Variants in C1GALT1 observed in about 807,000 individuals in gnomAD.
C1GALT1 encodes the protein core 1 synthase, glycoprotein-N-acetylgalactosamine 3-beta-galactosyltransferase 1, also known as glycoprotein-N-acetylgalactosamine 3-beta-galactosyltransferase 1.
Under a neutral mutation model 31.0 loss-of-function variants are expected in C1GALT1, and 11 were observed. The ratio of observed to expected loss-of-function variants is 0.36; its 90% CI spans 0.22 to 0.59. The LOEUF is 0.59. Among genes scored for constraint, C1GALT1 ranks in the 20% least tolerant of loss-of-function variants. The pLI is 0.79. For synonymous variants in C1GALT1, 175 were observed against 143.6 expected (o/e 1.22, Z -1.56); for missense variants, 424 against 425.2 (o/e 1.00, Z 0.03).
chr7:7,203,601 G>A (rs1425951337), intron 1 of C1GALT1, among the ~76,000 whole-genome samples: 1 of 151,716 alleles, frequency 6.6e-6, no homozygotes, highest in Non-Finnish European at 1.5e-5. Flanking sequence ...CAGTTTGCTA[G>A]TATTTTGTTG....
In C1GALT1 at chr7:7,196,818, T is replaced by C. The variant is rs187912786; in HGVS notation, c.-18+13998T>C. On this transcript the variant is annotated intron_variant, in intron 1 of 3. Transcript: ENST00000436587. ...TTTGCATTTCTCTGATGGCCAGTGA[T>C]GATGAGCATTTTTTCATGTGTTTTT... Among the ~76,000 whole-genome samples, 3 of 152,358 alleles carry C rather than the reference T, an allele frequency of 2.0e-5. No homozygotes were observed. In the East Asian group the frequency reaches 5.8e-4, roughly 29 times the overall value.
In C1GALT1 at chr7:7,197,522, C is replaced by T. The variant is rs557561962; in HGVS notation, c.-18+14702C>T. ...TTGGCTTAGGATTGTCTTGGCAATG[C>T]GGGCTCTTTTTTGGTTCCATATGAA... On this transcript the variant is annotated intron_variant, in intron 1 of 3. Coordinates refer to ENST00000436587, the MANE Select transcript of C1GALT1 (RefSeq NM_020156.5). Among the ~76,000 whole-genome samples, 17 of 152,176 alleles carry T rather than the reference C, an allele frequency of 1.1e-4. 1 individual carries two copies. In the East Asian group the frequency reaches 1.4e-3, roughly 12 times the overall value.
intron 1 of C1GALT1, among the ~76,000 whole-genome samples, chr7:7,230,800 G>C (rs546349659): frequency 1.3e-5 from 2 of 151,296 alleles, no homozygotes; most frequent in Admixed American, 6.6e-5. Flanking sequence ...CTCCTGGACA[G>C]TGAAATGACT....
intron 1 of C1GALT1, among the ~76,000 whole-genome samples, chr7:7,203,583 GC>G (rs968078300): frequency 4.6e-5 from 7 of 151,766 alleles, no homozygotes; most frequent in African/African-American, 1.7e-4. Flanking sequence ...TTAATATGCT[GC>G]TGAATTCAGT....
intron 1 of C1GALT1, among the ~76,000 whole-genome samples, chr7:7,230,725 AG>A (rs2128247156): frequency 6.7e-6 from 1 of 149,932 alleles, no homozygotes; most frequent in East Asian, 1.9e-4. Flanking sequence ...GTTTGTTTAA[AG>A]ATTATATTAG....
intron 2 of C1GALT1, among the ~76,000 whole-genome samples, chr7:7,162,867 C>A (rs866797571): frequency 6.6e-6 from 1 of 151,880 alleles, no homozygotes; most frequent in Non-Finnish European, 1.5e-5. Flanking sequence ...TGATGGCCAG[C>A]GATGGTGAGC....
At chr7:7,218,410 A>G (rs138605410) in intron 1 of C1GALT1, among the ~76,000 whole-genome samples, 23 of 152,322 alleles carry the variant, frequency 1.5e-4, no homozygotes, top group East Asian at 9.6e-4. Flanking sequence ...TGAAGTCTCT[A>G]TGGGGTTGTT....
At chr7:7,207,831 A>T (rs766842739) in intron 1 of C1GALT1, among the ~76,000 whole-genome samples, 2 of 150,830 alleles carry the variant, frequency 1.3e-5, no homozygotes, top group Admixed American at 6.6e-5. Flanking sequence ...GCCAAAGATC[A>T]GTCTGAGATT....
upstream of C1GALT1, among the ~76,000 whole-genome samples, chr7:7,181,913 G>A (rs1780597169): frequency 6.6e-6 from 1 of 152,122 alleles, no homozygotes; most frequent in Non-Finnish European, 1.5e-5. Flanking sequence ...AGAGCCCAGC[G>A]AAAGGGGAGA....
rs908953930 is a variant in C1GALT1, at chr7:7,245,024, ACT to A, written c.*1300_*1301del. On this transcript the variant is annotated 3_prime_UTR_variant, in exon 4 of 4. Transcript: ENST00000436587. ...CAAATGTTTCATTCTATTTTTAGTGACTCTGTTTAAAGAGTTTCTGAAAGGAA... is the reference window on the plus strand; with the variant it reads ...CAAATGTTTCATTCTATTTTTAGTGACTGTTTAAAGAGTTTCTGAAAGGAA... 4.6e-4 allele frequency: 70 copies of A among 152,166 alleles called. 1 individual carries two copies. Among genetic ancestry groups the A allele is most frequent in the African/African-American group, 1.6e-3 (67 of 41,514 alleles). The allele number at this position is 152,166 out of a possible 1,614,324, so 9.4% of individuals were successfully genotyped here.
upstream of C1GALT1, among the ~76,000 whole-genome samples, chr7:7,180,167 A>C (rs1355009012): frequency 6.6e-6 from 1 of 152,216 alleles, no homozygotes; most frequent in Non-Finnish European, 1.5e-5. Context: ...GAGAAACAAC[A>C]ATACTGAGGT....
chr7:7,236,463 T>G (rs967552466), intron 2 of C1GALT1, among the ~76,000 whole-genome samples: 10 of 152,148 alleles, frequency 6.6e-5, no homozygotes, highest in African/African-American at 2.4e-4. Flanking sequence ...TAGGGTGATT[T>G]TGTCTGCTGT....
At position 7,171,023 on chromosome 7, in the gene C1GALT1, C is replaced by T. The variant is rs1306320462; in HGVS notation, c.-18+13597C>T. 2.0e-5 allele frequency among the ~76,000 whole-genome samples: 3 copies of T among 152,090 alleles called. No homozygotes were observed. In the South Asian group the frequency reaches 6.2e-4, roughly 31 times the overall value. Reference sequence around the variant, plus strand: ...TAAAATTTATTCACTTGTTTTGTGGCTTAACATATCATCTATCCTGAAGAA... The same window carrying T: ...TAAAATTTATTCACTTGTTTTGTGGTTTAACATATCATCTATCCTGAAGAA... On this transcript the variant is annotated intron_variant, in intron 2 of 3. Transcript: ENST00000429911.
At chr7:7,166,964 C>T (rs1780400580) in intron 2 of C1GALT1, among the ~76,000 whole-genome samples, 1 of 152,110 alleles carries the variant, frequency 6.6e-6, no homozygotes, top group Non-Finnish European at 1.5e-5. Flanking sequence ...CTTCAAAGAC[C>T]AAGATCTTTC....
At chr7:7,212,473 G>A (rs778224574) in intron 1 of C1GALT1, among the ~76,000 whole-genome samples, 20 of 152,214 alleles carry the variant, frequency 1.3e-4, no homozygotes, top group Non-Finnish European at 2.4e-4. Flanking sequence ...TAAGTTAAGA[G>A]TAATTACAGT....
rs1213952481 is a variant in C1GALT1, at chr7:7,198,473, G to T, written c.-18+15653G>T. 7.9e-5 allele frequency among the ~76,000 whole-genome samples: 12 copies of T among 152,304 alleles called. No individual in the cohort carries two copies. In the East Asian group the frequency reaches 2.1e-3, roughly 27 times the overall value. ...AGGATTTTCACATCCATATTCATCA[G>T]GGATATTGGTCTAAAATTCTCTTTT... On this transcript the variant is annotated intron_variant, in intron 1 of 3. Coordinates refer to ENST00000436587, the MANE Select transcript of C1GALT1 (RefSeq NM_020156.5).
chr7:7,201,318 C>T (rs1229437109), intron 1 of C1GALT1, among the ~76,000 whole-genome samples: 6 of 152,160 alleles, frequency 3.9e-5, no homozygotes, highest in African/African-American at 9.7e-5. Context: ...TGCAGAACAG[C>T]GAATGTTGCA....
At chr7:7,187,714 T>C (rs1004714273) in intron 1 of C1GALT1, among the ~76,000 whole-genome samples, 1 of 151,780 alleles carries the variant, frequency 6.6e-6, no homozygotes, top group Non-Finnish European at 1.5e-5. Flanking sequence ...TTTACAGAGG[T>C]TGGTGGGAAG....
intron 1 of C1GALT1, among the ~76,000 whole-genome samples, chr7:7,206,882 T>C (rs1407127510): frequency 2.6e-5 from 4 of 152,204 alleles, no homozygotes; most frequent in Non-Finnish European, 4.4e-5. Flanking sequence ...CTTTCAGCTT[T>C]CAGGATTTTC....
Sources: gnomAD v4.1 joint callset for allele counts (sites outside exome capture counted in the v4.1 genomes callset) on GRCh38, gnomAD v4.1.1 for gene constraint, MANE v1.5 for transcripts, NCBI Gene and HGNC (gene_info 2026-07-23, HGNC 2026-07-21) for gene names.